PRDM10: variants seen among roughly 807,000 people sequenced by gnomAD.
PRDM10 encodes PR/SET domain 10, also known as PR domain zinc finger protein 10.
PRDM10 carries 65 observed loss-of-function variants against 133.1 expected under a neutral mutation model. The observed-to-expected ratio is 0.49, with a 90% CI of 0.40 to 0.60. PRDM10 has a LOEUF of 0.60. Among genes scored for constraint, PRDM10 ranks in the 20% least tolerant of loss-of-function variants. PRDM10 has a pLI of 0.00. For synonymous variants in PRDM10, 582 were observed against 580.4 expected (o/e 1.00, Z -0.04); for missense variants, 1,137 against 1,507.1 (o/e 0.75, Z 4.07).
intron 19 of PRDM10, among the ~76,000 whole-genome samples, chr11:129,906,328 G>A (rs575672346): frequency 1.3e-5 from 2 of 152,276 alleles, no homozygotes; most frequent in Non-Finnish European, 2.9e-5. Context: ...AAGACGTGAC[G>A]AAAGGCTATC....
At chr11:129,948,252 T>C (rs1256452303) in intron 4 of PRDM10, 5 of 363,762 alleles carry the variant, frequency 1.4e-5, no homozygotes, top group Non-Finnish European at 2.2e-5. Flanking sequence ...TAGAATCCCT[T>C]TATGCAATCT....
At chr11:129,949,017 T>G (rs984493036) in intron 4 of PRDM10, among the ~76,000 whole-genome samples, 1 of 152,214 alleles carries the variant, frequency 6.6e-6, no homozygotes, top group African/African-American at 2.4e-5. Flanking sequence ...TAAATTTCAT[T>G]TCACTGCTTT....
Position 129,923,148 on chromosome 11 carries a change from G to C in PRDM10, c.2034+100C>G. ...AGTATCTCAGGTCCAGTTCATCAGA[G>C]GTGGGTGATAAACTGATGAAATGAA... On this transcript the variant is annotated intron_variant, in intron 13 of 20. Transcript: ENST00000360871. This position sits in a 1 kb window ranked among gnomAD's most constrained non-coding sequence, Gnocchi z 4.4. 1.5e-6 allele frequency: 2 copies of C among 1,327,126 alleles called. No homozygotes were observed. Among genetic ancestry groups the C allele is most frequent in the Non-Finnish European group, 2.0e-6 (2 of 996,454 alleles). The allele number at this position is 1,327,126 out of a possible 1,614,324, so 82.2% of individuals were successfully genotyped here.
intron 5 of PRDM10, among the ~76,000 whole-genome samples, chr11:129,946,001 C>T (rs770031895): frequency 1.3e-5 from 2 of 151,894 alleles, no homozygotes; most frequent in Non-Finnish European, 2.9e-5. Context: ...CTTTGGGAGG[C>T]TGAGGTGGGC....
At chr11:129,937,558 G>A (rs369482525) in intron 8 of PRDM10, 40 bp downstream of exon 8, 39 of 1,567,454 alleles carry the variant, frequency 2.5e-5, no homozygotes, top group Non-Finnish European at 3.4e-5. Context: ...ATACAATTTA[G>A]AATTCATATA....
chr11:129,958,048 T>A, intron 2 of PRDM10, 138 bp from the exon 3 acceptor site: 1 of 960,386 alleles, frequency 1.0e-6, no homozygotes, highest in Non-Finnish European at 1.5e-6. Context: ...AGGTGGTGAC[T>A]AGGGGAGGAT....
At chr11:129,913,715 A>G (rs1565454020) in intron 17 of PRDM10, among the ~76,000 whole-genome samples, 3 of 152,220 alleles carry the variant, frequency 2.0e-5, no homozygotes, top group Admixed American at 6.5e-5. Context: ...CTGAAGTTAA[A>G]AACCCTCCAT....
Position 129,912,103 on chromosome 11 carries a change from C to T in PRDM10, c.2964G>A (p.Ser988=), listed in dbSNP as rs778038425. ...QHIQVSEPTA[S]APSSAQVSGQ... ...AGGGTACCTGGGCGGAGGACGGGGC[C>T]GAGGCGGTAGGCTCGCTGACCTGGA... Residue 988 remains serine, a synonymous_variant, in exon 18 of 21, where the codon TCG becomes TCA. Coordinates refer to ENST00000360871, the MANE Select transcript of PRDM10 (RefSeq NM_199437.2). 36 of 1,610,202 alleles carry T rather than the reference C, an allele frequency of 2.2e-5. 1 individual carries two copies. The highest frequency in any genetic ancestry group is 1.2e-4 in the South Asian group (11 of 90,618).
intron 1 of PRDM10, among the ~76,000 whole-genome samples, chr11:129,965,760 CA>C (rs1041541639): frequency 1.3e-5 from 2 of 148,304 alleles, no homozygotes; most frequent in African/African-American, 2.6e-5. Flanking sequence ...TATATATATA[CA>C]AAAAAAAAGA....
intron 1 of PRDM10, among the ~76,000 whole-genome samples, chr11:129,976,159 T>G (rs1222701367): frequency 6.6e-6 from 1 of 152,142 alleles, no homozygotes; most frequent in Non-Finnish European, 1.5e-5. Flanking sequence ...CTCCTCTTCT[T>G]CCCCACCCCT....
At chr11:129,932,360 CCAATAGAAA>C in intron 9 of PRDM10, 129 bp from the exon 10 acceptor site, 1 of 1,186,058 alleles carries the variant, frequency 8.4e-7, no homozygotes, top group East Asian at 2.7e-5. Flanking sequence ...CAGATTTTCT[CCAATAGAAA>C]CAACTGTTTT....
intron 19 of PRDM10, among the ~76,000 whole-genome samples, chr11:129,907,457 T>C (rs1356133495): frequency 6.6e-6 from 1 of 152,104 alleles, no homozygotes; most frequent in Admixed American, 6.5e-5. Flanking sequence ...CAGGCAGGAG[T>C]GCAGTGCCGC....
rs374517453 is a variant in PRDM10 at position 129,957,960 on chromosome 11, G to C, written c.70-50C>G. On this transcript the variant is annotated intron_variant, in intron 2 of 20. Transcript: ENST00000360871. ...CAAAATCAGTATCAGGAAGGTAAGT[G>C]ATCAACAAGCACACCTGGGTTTCTA... is the stretch of plus-strand genomic sequence containing the variant. 13 of 1,548,732 alleles carry C rather than the reference G, an allele frequency of 8.4e-6. No homozygotes were observed. In the African/African-American group the frequency reaches 1.8e-4, roughly 21 times the overall value.
intron 1 of PRDM10, among the ~76,000 whole-genome samples, chr11:129,966,820 T>C (rs1272341023): frequency 1.3e-5 from 2 of 152,196 alleles, no homozygotes; most frequent in East Asian, 3.9e-4. Context: ...CTGGAGACAG[T>C]GGTGTGCCCT....
intron 19 of PRDM10, among the ~76,000 whole-genome samples, chr11:129,906,309 C>T (rs998824857): frequency 1.3e-5 from 2 of 152,100 alleles, no homozygotes; most frequent in Admixed American, 1.3e-4. Context: ...TCGTGTCTTC[C>T]CAGCACACAA....
intron 1 of PRDM10, among the ~76,000 whole-genome samples, chr11:129,963,537 A>G (rs765558923): frequency 2.0e-5 from 3 of 152,176 alleles, no homozygotes; most frequent in Non-Finnish European, 4.4e-5. Flanking sequence ...AGTTGTCAAA[A>G]TAGTACAAAG....
chr11:129,936,224 C>T (rs1287147506), intron 8 of PRDM10, among the ~76,000 whole-genome samples: 5 of 151,984 alleles, frequency 3.3e-5, no homozygotes, highest in Admixed American at 3.3e-4. Context: ...TTGGGGCCTC[C>T]CAGACCTCAC....
chr11:129,974,957 G>C (rs936312571), intron 1 of PRDM10, among the ~76,000 whole-genome samples: 1 of 152,154 alleles, frequency 6.6e-6, no homozygotes, highest in African/African-American at 2.4e-5. Context: ...ACTTACATGA[G>C]GTAACTGGAA....
intron 1 of PRDM10, among the ~76,000 whole-genome samples, chr11:129,984,009 C>A (rs1334387900): frequency 6.6e-6 from 1 of 152,204 alleles, no homozygotes; most frequent in Non-Finnish European, 1.5e-5. Context: ...GGCTCCCACG[C>A]CCATTCTGCC....
Sources: allele counts gnomAD v4.1 joint callset (sites outside exome capture counted in the v4.1 genomes callset), GRCh38; gene constraint gnomAD v4.1.1; non-coding constraint Gnocchi (gnomAD v3.1); transcripts MANE v1.5; gene names NCBI Gene and HGNC (gene_info 2026-07-23, HGNC 2026-07-21).